Variants in CPZ observed in about 807,000 individuals in gnomAD.
CPZ encodes carboxypeptidase Z, also known as VEZT/CPZ fusion.
In CPZ, 103 loss-of-function variants were observed where a neutral mutation model predicts 61.8. That is an observed-to-expected ratio of 1.67 (90% CI 1.42 to 1.96). The LOEUF is 1.96. Ranked by LOEUF, CPZ falls within the 30% of genes most tolerant of loss-of-function variation. The probability of loss-of-function intolerance (pLI) is 0.00; values close to 1 mark genes in which losing one functional copy is unlikely to be tolerated. For missense variants in CPZ, 1,461 were observed against 914.9 expected, an observed-to-expected ratio of 1.60 and a Z score of -7.70; for synonymous variants, 551 against 373.7, an observed-to-expected ratio of 1.47 and a Z score of -5.47.
rs200189064 is a variant in CPZ at position 8,594,694 on chromosome 4, C to T, written c.88+1773C>T. On this transcript the variant is annotated intron_variant, in intron 1 of 10. Transcript: ENST00000360986. ...CTGTCCAACAGAAACACAAAGCCAT[C>T]CACGCACAGAATTTTATATTTTCTA... 9.2e-5 allele frequency among the ~76,000 whole-genome samples: 14 copies of T among 152,320 alleles called. No individual in the cohort carries two copies. In the East Asian group the frequency reaches 2.7e-3, roughly 29 times the overall value.
At chr4:8,618,013 C>T (rs79090059) in intron 9 of CPZ, 5,845 of 244,324 alleles carry the variant, frequency 0.024, 368 homozygotes, top group East Asian at 0.24. Context: ...CGAGCACTGT[C>T]CTCGTCCTCT....
chr4:8,618,721 G>A (rs1469259293), intron 10 of CPZ, among the ~76,000 whole-genome samples, 193 bp downstream of exon 10: 1 of 152,164 alleles, frequency 6.6e-6, no homozygotes, highest in Admixed American at 6.5e-5. Context: ...TTTGGTGAGG[G>A]AAGAGCTTGC....
chr4:8,614,372 C>A lies in CPZ; in HGVS notation c.1377C>A (p.Phe459Leu), dbSNP rs1385929040. The A allele has an allele frequency of 1.2e-6, 2 of 1,613,604 alleles. No individual in the cohort carries two copies. The highest frequency in any genetic ancestry group is 1.7e-6 in the Non-Finnish European group (2 of 1,179,758). ...WYSFTGGMSD[F>L]NYLHTNCFEI... is the part of the protein sequence containing the mutation. ...TCTGTGCCACAGGCATGTCCGATTT[C>A]AACTACCTGCACACCAACTGCTTTG... Residue 459 changes from phenylalanine to leucine, a missense_variant, in exon 9 of 11, where the codon TTC becomes TTA. Physicochemically the swap from Phe to Leu is conservative, Grantham distance 22 (BLOSUM62 0). Coordinates refer to ENST00000360986, the MANE Select transcript of CPZ (RefSeq NM_001014447.3).
At chr4:8,608,379 C>G (rs1333622597) in intron 7 of CPZ, among the ~76,000 whole-genome samples, 2 of 152,168 alleles carry the variant, frequency 1.3e-5, no homozygotes, top group Non-Finnish European at 2.9e-5. Flanking sequence ...GGGCAAGTGC[C>G]AGGTGCCGGG....
intron 7 of CPZ, among the ~76,000 whole-genome samples, chr4:8,610,367 C>A (rs531269127): frequency 6.6e-6 from 1 of 152,166 alleles, no homozygotes; most frequent in Non-Finnish European, 1.5e-5. Flanking sequence ...GACTGGTGGT[C>A]GGCAGCCACC....
chr4:8,595,531 G>A (rs1377532963), intron 1 of CPZ, among the ~76,000 whole-genome samples: 5 of 152,208 alleles, frequency 3.3e-5, no homozygotes, highest in Admixed American at 2.0e-4. Flanking sequence ...GGCCTACGGA[G>A]GCCAAGGCAG....
chr4:8,601,021 C>G, intron 2 of CPZ, 102 bp from the exon 3 acceptor site: 2 of 1,445,336 alleles, frequency 1.4e-6, no homozygotes, highest in Non-Finnish European at 1.8e-6. Flanking sequence ...GTGCCCCTCC[C>G]TGCAGGCCCT....
chr4:8,610,335 C>T (rs1202762023), intron 7 of CPZ, among the ~76,000 whole-genome samples: 2 of 152,210 alleles, frequency 1.3e-5, no homozygotes, highest in East Asian at 1.9e-4. Flanking sequence ...AGATCTGGGC[C>T]CCTGCACCCC....
intron 9 of CPZ, among the ~76,000 whole-genome samples, chr4:8,617,195 A>G (rs1425485999): frequency 6.6e-6 from 1 of 152,220 alleles, no homozygotes; most frequent in African/African-American, 2.4e-5. Context: ...CGGTGGGATT[A>G]GAGTTCACAT....
At chr4:8,598,607 G>A (rs375540784) in intron 1 of CPZ, among the ~76,000 whole-genome samples, 52 of 152,340 alleles carry the variant, frequency 3.4e-4, no homozygotes, top group African/African-American at 1.2e-3. Flanking sequence ...CCCCTCTCTG[G>A]CCAGGTGGGC....
chr4:8,607,547 G>A lies in CPZ; in HGVS notation c.1227+122G>A, dbSNP rs536176886. ...GCTCCTAGGAACCTCTACTCAGAGCGGGTCAGCACCACCTGCTCCAGGCCC... is the reference window on the plus strand; with the variant it reads ...GCTCCTAGGAACCTCTACTCAGAGCAGGTCAGCACCACCTGCTCCAGGCCC... On this transcript the variant is annotated intron_variant, in intron 7 of 10. Coordinates refer to ENST00000360986, the MANE Select transcript of CPZ (RefSeq NM_001014447.3). The A allele has an allele frequency of 4.9e-5, 56 of 1,149,782 alleles. 1 individual carries two copies. The highest frequency in any genetic ancestry group is 1.8e-4 in the Admixed American group (7 of 38,382). 71.2% of individuals were successfully genotyped at this position (1,149,782 alleles called of 1,614,324 possible). A position where few individuals can be genotyped will look rare whatever the true frequency, so the allele number is the denominator to read the frequency against.
At chr4:8,606,231 C>A (rs1339708383) in intron 5 of CPZ, 46 bp downstream of exon 5, 1 of 1,542,362 alleles carries the variant, frequency 6.5e-7, no homozygotes, top group East Asian at 2.3e-5. Context: ...GCCCGAACCA[C>A]CCCCTCATTC....
At chr4:8,616,323 A>G (rs1031603719) in intron 9 of CPZ, among the ~76,000 whole-genome samples, 2 of 152,128 alleles carry the variant, frequency 1.3e-5, no homozygotes, top group Non-Finnish European at 2.9e-5. Context: ...CCACCAGAGA[A>G]CCGCATGTGC....
At chr4:8,618,406 T>A in intron 9 of CPZ, 23 bp from the exon 10 acceptor site, 1 of 1,610,972 alleles carries the variant, frequency 6.2e-7, no homozygotes, top group Non-Finnish European at 8.5e-7. Context: ...GCCATCTCCC[T>A]GGCCTCCCCT....
At chr4:8,616,802 A>G (rs1560304485) in intron 9 of CPZ, among the ~76,000 whole-genome samples, 2 of 152,214 alleles carry the variant, frequency 1.3e-5, no homozygotes, top group African/African-American at 4.8e-5. Context: ...ATGCGAGTCC[A>G]TGAGACATTG....
intron 9 of CPZ, among the ~76,000 whole-genome samples, chr4:8,615,762 C>G (rs796996933): frequency 7.2e-5 from 11 of 152,322 alleles, no homozygotes; most frequent in African/African-American, 2.6e-4. Context: ...CTGCTTCTTC[C>G]CAAGCCCTCT....
At chr4:8,603,877 C>G (rs1714751077) in intron 3 of CPZ, 99 bp from the exon 4 acceptor site, 2 of 998,418 alleles carry the variant, frequency 2.0e-6, no homozygotes, top group Admixed American at 1.8e-5. Flanking sequence ...GGCTGTCGTG[C>G]AGAGGGGACT....
chr4:8,609,184 G>T (rs9799716), intron 7 of CPZ, among the ~76,000 whole-genome samples: 198 of 109,378 alleles, frequency 1.8e-3, no homozygotes, highest in Middle Eastern at 0.015. Flanking sequence ...ATTCACTCAG[G>T]CATTCACTCA....
rs528956081 is a variant in CPZ at position 8,617,126 on chromosome 4, C to T, written c.1504-1303C>T. 1.2e-4 allele frequency among the ~76,000 whole-genome samples: 18 copies of T among 152,270 alleles called. No homozygotes were observed. In the South Asian group the frequency reaches 3.7e-3, roughly 32 times the overall value. On this transcript the variant is annotated intron_variant, in intron 9 of 10. Coordinates refer to ENST00000360986, the MANE Select transcript of CPZ (RefSeq NM_001014447.3). ...AGTTAGGTGCCACAGGGTCTGAGCT[C>T]ACGGGCCGCGTGTGTCAGGCCAGTC...
Sources: allele counts gnomAD v4.1 joint callset (sites outside exome capture counted in the v4.1 genomes callset), GRCh38; gene constraint gnomAD v4.1.1; transcripts MANE v1.5; gene names NCBI Gene and HGNC (gene_info 2026-07-23, HGNC 2026-07-21).